TNR: variants seen among roughly 807,000 people sequenced by gnomAD.
TNR encodes tenascin R, also known as tenascin-R.
In TNR, 45 loss-of-function variants were observed where a neutral mutation model predicts 150.4. The observed-to-expected ratio is 0.30, with a 90% CI of 0.24 to 0.38. TNR has a LOEUF of 0.38. TNR is among the 10% of genes least tolerant of loss of function. The pLI is 1.00. For missense variants in TNR, 1,544 were observed against 1,759.1 expected, an observed-to-expected ratio of 0.88 and a Z score of 2.19; for synonymous variants, 687 against 678.4, an observed-to-expected ratio of 1.01 and a Z score of -0.20.
chr1:175,620,505 G>C (rs982362691), intron 1 of TNR, among the ~76,000 whole-genome samples: 5 of 152,194 alleles, frequency 3.3e-5, no homozygotes, highest in Non-Finnish European at 7.3e-5. Context: ...AGTTCTGGAG[G>C]CTTTCCATCC....
In TNR at chr1:175,484,987, A is replaced by G. The variant is rs1394907695; in HGVS notation, c.-64+43282T>C. On this transcript the variant is annotated intron_variant, in intron 2 of 22. Transcript: ENST00000367674. ...CCCAGCAAAGAAGTTTGCTCTCCTA[A>G]AGGACCTCAAGGCACTCATAAAACT... Among the ~76,000 whole-genome samples the G allele has an allele frequency of 1.1e-4, 16 of 152,290 alleles. No individual in the cohort carries two copies. The East Asian group carries it at 3.1e-3, about 29-fold the overall frequency.
intron 1 of TNR, among the ~76,000 whole-genome samples, chr1:175,707,374 A>T (rs1327423356): frequency 1.3e-5 from 2 of 152,266 alleles, no homozygotes; most frequent in East Asian, 3.9e-4. Context: ...ACAAACTTCC[A>T]TTTTTCTGAT....
chr1:175,741,705 G>A (rs563445165), intron 1 of TNR, among the ~76,000 whole-genome samples: 11 of 152,298 alleles, frequency 7.2e-5, no homozygotes, highest in Non-Finnish European at 1.5e-5. Flanking sequence ...AAAAAGAAAA[G>A]TGGTGCCATT....
At chr1:175,412,389 A>G (rs1289951002) in intron 2 of TNR, among the ~76,000 whole-genome samples, 2 of 152,164 alleles carry the variant, frequency 1.3e-5, no homozygotes, top group African/African-American at 4.8e-5. Context: ...AGATCTCCCC[A>G]GAAATTGCTT....
At chr1:175,590,670 G>A (rs1423301475) in intron 1 of TNR, among the ~76,000 whole-genome samples, 2 of 152,248 alleles carry the variant, frequency 1.3e-5, no homozygotes, top group East Asian at 1.9e-4. Context: ...CAGTGAGGAG[G>A]GGAAGGGCAT....
intron 1 of TNR, among the ~76,000 whole-genome samples, chr1:175,641,699 G>T (rs1162412886): frequency 6.6e-6 from 1 of 151,968 alleles, no homozygotes; most frequent in African/African-American, 2.4e-5. Flanking sequence ...CACTAATATG[G>T]CCCTTTGTTC....
chr1:175,416,437 T>C (rs561835688), intron 2 of TNR, among the ~76,000 whole-genome samples: 2 of 152,322 alleles, frequency 1.3e-5, no homozygotes, highest in East Asian at 3.9e-4. Context: ...TCTACACCAT[T>C]TTGGTCAGAA....
At chr1:175,601,811 C>A (rs555589804) in intron 1 of TNR, among the ~76,000 whole-genome samples, 2 of 152,236 alleles carry the variant, frequency 1.3e-5, no homozygotes, top group African/African-American at 2.4e-5. Context: ...AAACTCTATT[C>A]CTACCTAATA....
rs875325 is a variant in TNR, at chr1:175,320,106, T to C, written c.*3251A>G. Reference sequence around the variant, plus strand: ...ATTAGTACATATCCTGATGTGTCTGTAGTTAAACAGCCTCTGAGAAGGGTC... The same window carrying C: ...ATTAGTACATATCCTGATGTGTCTGCAGTTAAACAGCCTCTGAGAAGGGTC... On this transcript the variant is annotated 3_prime_UTR_variant, in exon 23 of 23. Coordinates refer to ENST00000367674, the MANE Select transcript of TNR (RefSeq NM_003285.3). 0.24 allele frequency: 36,660 copies of C among 152,196 alleles called. 5,995 individuals are homozygous for C. Among genetic ancestry groups the C allele is most frequent in the African/African-American group, 0.47 (19,353 of 41,408 alleles). The allele number at this position is 152,196 out of a possible 1,614,324, so 9.4% of individuals were successfully genotyped here. A position where few individuals can be genotyped will look rare whatever the true frequency, so the allele number is the denominator to read the frequency against.
chr1:175,649,653 G>A (rs954346377), intron 1 of TNR, among the ~76,000 whole-genome samples: 4 of 152,074 alleles, frequency 2.6e-5, no homozygotes, highest in Non-Finnish European at 4.4e-5. Context: ...TTCACAGCCC[G>A]GCCCCCGGTT....
intron 1 of TNR, among the ~76,000 whole-genome samples, chr1:175,689,458 T>C (rs909574738): frequency 3.5e-4 from 53 of 152,014 alleles, no homozygotes; most frequent in Non-Finnish European, 6.2e-4. Context: ...GGGAGGGAAA[T>C]GATGCTGGGA....
chr1:175,381,424 G>A (rs118051741), intron 8 of TNR, among the ~76,000 whole-genome samples: 6 of 152,314 alleles, frequency 3.9e-5, no homozygotes, highest in East Asian at 1.9e-4. Flanking sequence ...TGATCATAGG[G>A]GTTGTGGTCT....
rs74834547 is a variant in TNR at position 175,455,678 on chromosome 1, G to A, written c.-63-48901C>T. Among the ~76,000 whole-genome samples the A allele has an allele frequency of 3.1e-3, 475 of 152,332 alleles. 4 individuals are homozygous for A. Among genetic ancestry groups the A allele is most frequent in the Non-Finnish European group, 4.7e-3 (317 of 68,032 alleles). Reference sequence around the variant, plus strand: ...TGAAAAGCCAGAAGGGTTGTTTGGAGTTCACCAGCAGACAAAATGGGAGAC... The same window carrying A: ...TGAAAAGCCAGAAGGGTTGTTTGGAATTCACCAGCAGACAAAATGGGAGAC... On this transcript the variant is annotated intron_variant, in intron 2 of 22. Coordinates refer to ENST00000367674, the MANE Select transcript of TNR (RefSeq NM_003285.3).
intron 8 of TNR, among the ~76,000 whole-genome samples, chr1:175,380,358 T>C (rs987589046): frequency 1.3e-5 from 2 of 151,874 alleles, no homozygotes; most frequent in African/African-American, 2.4e-5. Context: ...GGCACCTCTG[T>C]AAAAGGGGCA....
In TNR at chr1:175,599,916, G is replaced by A. The variant is rs910841468; in HGVS notation, c.-164-71547C>T. On this transcript the variant is annotated intron_variant, in intron 1 of 22. Coordinates refer to ENST00000367674, the MANE Select transcript of TNR (RefSeq NM_003285.3). The surrounding 1 kb of genome is among the most constrained non-coding windows in gnomAD (Gnocchi z 4.7). Reference sequence around the variant, plus strand: ...GGGATGCTGAGGCAGGCAAGAGACTGGGGCCGGTTCTACAGGAGGGAGGAA... The same window carrying A: ...GGGATGCTGAGGCAGGCAAGAGACTAGGGCCGGTTCTACAGGAGGGAGGAA... 1.3e-5 allele frequency among the ~76,000 whole-genome samples: 2 copies of A among 152,212 alleles called. No individual in the cohort carries two copies. The highest frequency in any genetic ancestry group is 2.9e-5 in the Non-Finnish European group (2 of 68,030).
At chr1:175,473,421 G>A (rs1396877423) in intron 2 of TNR, among the ~76,000 whole-genome samples, 1 of 152,172 alleles carries the variant, frequency 6.6e-6, no homozygotes, top group Non-Finnish European at 1.5e-5. Context: ...AAACACCAGG[G>A]GAGAGATGTT....
chr1:175,647,854 T>C (rs1664852474), intron 1 of TNR, among the ~76,000 whole-genome samples: 2 of 152,112 alleles, frequency 1.3e-5, no homozygotes. Context: ...TGGCATGGTT[T>C]CTTCTCCAAA....
At chr1:175,364,298 C>G (rs187523940) in intron 12 of TNR, among the ~76,000 whole-genome samples, 78 of 151,016 alleles carry the variant, frequency 5.2e-4, no homozygotes, top group Middle Eastern at 3.4e-3. Context: ...AATCCATTTT[C>G]CTAAATTGTA....
rs752570577 is a variant in TNR at position 175,600,941 on chromosome 1, A to C, written c.-164-72572T>G. Among the ~76,000 whole-genome samples the C allele has an allele frequency of 5.3e-5, 8 of 152,350 alleles. No individual in the cohort carries two copies. The South Asian group carries it at 1.5e-3, about 28-fold the overall frequency. ...GGTCTTGAGTGAAAAAAAAATTTGC[A>C]TTTCCTCTGACAGTTCCTCATTCTC... is the stretch of plus-strand genomic sequence containing the variant. On this transcript the variant is annotated intron_variant, in intron 1 of 22. Coordinates refer to ENST00000367674, the MANE Select transcript of TNR (RefSeq NM_003285.3).
Sources: gnomAD v4.1 joint callset for allele counts (sites outside exome capture counted in the v4.1 genomes callset) on GRCh38, gnomAD v4.1.1 for gene constraint, Gnocchi (gnomAD v3.1) non-coding constraint, MANE v1.5 for transcripts, NCBI Gene and HGNC (gene_info 2026-07-23, HGNC 2026-07-21) for gene names.